Variants in SUSD4 observed in about 807,000 individuals in gnomAD.
The protein encoded by SUSD4 is sushi domain-containing protein 4.
Under a neutral mutation model 50.5 loss-of-function variants are expected in SUSD4, and 41 were observed. That is an observed-to-expected ratio of 0.81 (90% CI 0.63 to 1.05). The LOEUF (loss-of-function observed/expected upper bound fraction) is 1.05. SUSD4 is among the 50% of genes least tolerant of loss of function. SUSD4 has a pLI of 0.00. For missense variants in SUSD4, 580 were observed against 634.7 expected (o/e 0.91, Z 0.93); for synonymous variants, 257 against 257.3 (o/e 1.00, Z 0.01).
At chr1:223,352,990 AT>A (rs1668449917) in intron 2 of SUSD4, among the ~76,000 whole-genome samples, 1 of 151,892 alleles carries the variant, frequency 6.6e-6, no homozygotes, top group African/African-American at 2.4e-5. Context: ...CCTATAACAA[AT>A]CACTCGCCTG....
intron 4 of SUSD4, among the ~76,000 whole-genome samples, chr1:223,265,118 T>G (rs1662400171): frequency 6.6e-6 from 1 of 152,354 alleles, no homozygotes; most frequent in Admixed American, 6.5e-5. Flanking sequence ...GTGTTCTGGC[T>G]CTGACTGCGT....
At chr1:223,308,014 G>T (rs1265442154) in intron 2 of SUSD4, among the ~76,000 whole-genome samples, 3 of 152,170 alleles carry the variant, frequency 2.0e-5, no homozygotes, top group African/African-American at 7.2e-5. Flanking sequence ...TCCTTTATCT[G>T]AATATAGTGG....
At chr1:223,250,238 G>A (rs1435852676) in intron 5 of SUSD4, among the ~76,000 whole-genome samples, 5 of 152,060 alleles carry the variant, frequency 3.3e-5, no homozygotes, top group Admixed American at 6.6e-5. Flanking sequence ...AATAATATCC[G>A]TAAATCACCA....
chr1:223,265,626 A>C (rs1662441106), intron 4 of SUSD4, among the ~76,000 whole-genome samples: 1 of 152,168 alleles, frequency 6.6e-6, no homozygotes, highest in Non-Finnish European at 1.5e-5. Flanking sequence ...TGCTGTGTGC[A>C]ATAGTGTGGA....
chr1:223,222,001 C>T lies in SUSD4; in HGVS notation c.*191G>A. The T allele has an allele frequency of 1.7e-6, 1 of 587,154 alleles. No homozygotes were observed. The highest frequency in any genetic ancestry group is 2.9e-5 in the East Asian group (1 of 34,540). 36.4% of individuals were successfully genotyped at this position (587,154 alleles called of 1,614,324 possible). On this transcript the variant is annotated 3_prime_UTR_variant, in exon 9 of 9. Coordinates refer to ENST00000366878, the MANE Select transcript of SUSD4 (RefSeq NM_017982.4). Reference sequence around the variant, plus strand: ...CATGGGTCTTGGTGAATCCTCAAATCTCATTTAAAAGCACTGCCATTGCAG... The same window carrying T: ...CATGGGTCTTGGTGAATCCTCAAATTTCATTTAAAAGCACTGCCATTGCAG...
intron 3 of SUSD4, among the ~76,000 whole-genome samples, chr1:223,271,086 C>T (rs546811227): frequency 6.6e-6 from 1 of 152,208 alleles, no homozygotes; most frequent in African/African-American, 2.4e-5. Context: ...TTTATCAAGG[C>T]ATCCGTCTGT....
intron 3 of SUSD4, chr1:223,289,190 A>G (rs965364265): frequency 3.0e-6 from 3 of 985,152 alleles, no homozygotes; most frequent in Non-Finnish European, 3.6e-6. Context: ...TCTCCTCTCC[A>G]CCATATAGGT....
chr1:223,244,979 C>T (rs1660824060), intron 5 of SUSD4, among the ~76,000 whole-genome samples: 1 of 152,094 alleles, frequency 6.6e-6, no homozygotes, highest in East Asian at 1.9e-4. Context: ...AAATAGATGA[C>T]TTTTAAACTG....
chr1:223,224,583 C>T (rs1450600769), intron 7 of SUSD4, among the ~76,000 whole-genome samples: 4 of 152,214 alleles, frequency 2.6e-5, no homozygotes, highest in Non-Finnish European at 4.4e-5. Flanking sequence ...CCTGACCCCC[C>T]GCCACTCTTC....
intron 2 of SUSD4, among the ~76,000 whole-genome samples, chr1:223,355,327 G>A (rs1226690470): frequency 1.3e-5 from 2 of 151,964 alleles, no homozygotes; most frequent in African/African-American, 4.8e-5. Context: ...ACCTGCCTCG[G>A]TCTCCCAAAG....
intron 5 of SUSD4, among the ~76,000 whole-genome samples, chr1:223,238,402 CTT>C (rs1660362746): frequency 6.6e-6 from 1 of 151,846 alleles, no homozygotes; most frequent in Non-Finnish European, 1.5e-5. Context: ...CTAATTTGCT[CTT>C]CTTTTACTAG....
At chr1:223,303,615 G>A (rs1467302223) in intron 2 of SUSD4, among the ~76,000 whole-genome samples, 6 of 152,164 alleles carry the variant, frequency 3.9e-5, no homozygotes, top group East Asian at 3.9e-4. Flanking sequence ...TCGGCAGGTC[G>A]AGAAATAATA....
intron 5 of SUSD4, among the ~76,000 whole-genome samples, chr1:223,248,870 A>G (rs1047546385): frequency 3.3e-5 from 5 of 152,230 alleles, no homozygotes; most frequent in South Asian, 2.1e-4. Flanking sequence ...ATGGCTTCAC[A>G]TAAGAAATCT....
intron 5 of SUSD4, among the ~76,000 whole-genome samples, chr1:223,255,227 C>T (rs851201): frequency 0.4 from 60,578 of 152,094 alleles, 12,237 homozygotes; most frequent in African/African-American, 0.42. Context: ...AACACACATT[C>T]ATCTTCAAAG....
At chr1:223,344,869 T>C (rs1285929002) in intron 2 of SUSD4, among the ~76,000 whole-genome samples, 1 of 152,210 alleles carries the variant, frequency 6.6e-6, no homozygotes, top group Non-Finnish European at 1.5e-5. Context: ...TAGCACTCCT[T>C]GTTATGTTCA....
chr1:223,354,955 T>C (rs1203880176), intron 2 of SUSD4, among the ~76,000 whole-genome samples: 1 of 152,160 alleles, frequency 6.6e-6, no homozygotes, highest in Non-Finnish European at 1.5e-5. Flanking sequence ...ATTTTCTTTC[T>C]TTCTTTCTTT....
At chr1:223,293,607 T>C (rs1277542875) in intron 2 of SUSD4, among the ~76,000 whole-genome samples, 2 of 152,126 alleles carry the variant, frequency 1.3e-5, no homozygotes, top group African/African-American at 4.8e-5. Flanking sequence ...TAAGGGGTGA[T>C]GGGCTGAGAG....
intron 5 of SUSD4, among the ~76,000 whole-genome samples, chr1:223,247,997 G>A (rs1043021646): frequency 1.1e-4 from 16 of 152,178 alleles, no homozygotes; most frequent in African/African-American, 3.4e-4. Context: ...TCCATGGACT[G>A]TCCATTTTGG....
At chr1:223,355,079 A>AT (rs35106430) in intron 2 of SUSD4, among the ~76,000 whole-genome samples, 247 of 144,574 alleles carry the variant, frequency 1.7e-3, no homozygotes, top group East Asian at 5.6e-3. Context: ...CACCCAGCTA[A>AT]TTTTTTTTTT....
Sources: allele counts gnomAD v4.1 joint callset (sites outside exome capture counted in the v4.1 genomes callset), GRCh38; gene constraint gnomAD v4.1.1; transcripts MANE v1.5; gene names NCBI Gene and HGNC (gene_info 2026-07-23, HGNC 2026-07-21).